CSMD1: variants seen among roughly 807,000 people sequenced by gnomAD.
CSMD1 encodes CUB and Sushi multiple domains 1, also known as CUB and sushi domain-containing protein 1.
In CSMD1, 213 loss-of-function variants were observed where a neutral mutation model predicts 417.5. That is an observed-to-expected ratio of 0.51 (90% CI 0.46 to 0.57). The LOEUF (loss-of-function observed/expected upper bound fraction) is 0.57. CSMD1 is among the 20% of genes least tolerant of loss of function. The pLI is 0.00. For synonymous variants in CSMD1, 2,862 were observed against 1,736.8 expected, an observed-to-expected ratio of 1.65 and a Z score of -16.11; for missense variants, 6,923 against 4,529.7, an observed-to-expected ratio of 1.53 and a Z score of -15.17.
intron 5 of CSMD1, among the ~76,000 whole-genome samples, chr8:3,864,833 C>G (rs959481329): frequency 2.0e-5 from 3 of 152,142 alleles, no homozygotes; most frequent in African/African-American, 4.8e-5. Context: ...AGAAACATTT[C>G]CTAGACATTT....
chr8:3,027,982 G>A (rs1810066076), intron 51 of CSMD1, among the ~76,000 whole-genome samples: 1 of 152,192 alleles, frequency 6.6e-6, no homozygotes, highest in African/African-American at 2.4e-5. Flanking sequence ...TTGTGAGCAT[G>A]GAAGATTGTC....
chr8:4,634,416 T>G (rs1330951191), intron 2 of CSMD1, among the ~76,000 whole-genome samples: 1 of 152,206 alleles, frequency 6.6e-6, no homozygotes, highest in Non-Finnish European at 1.5e-5. Flanking sequence ...TGAAAGAAAT[T>G]TATTGATACT....
chr8:4,903,244 C>A (rs536177672), intron 1 of CSMD1, among the ~76,000 whole-genome samples: 1 of 152,182 alleles, frequency 6.6e-6, no homozygotes, highest in African/African-American at 2.4e-5. Flanking sequence ...TACAGCCAGA[C>A]TTAGTGTGTC....
chr8:4,111,641 C>G (rs1801861960), intron 3 of CSMD1, among the ~76,000 whole-genome samples: 1 of 152,082 alleles, frequency 6.6e-6, no homozygotes, highest in South Asian at 2.1e-4. Flanking sequence ...GAGTTAGAAG[C>G]CATTATCTTC....
At chr8:4,146,593 CATTTTTTTTTTTTTTTTTTT>C (rs1197683223) in intron 3 of CSMD1, among the ~76,000 whole-genome samples, 4 of 90,742 alleles carry the variant, frequency 4.4e-5, no homozygotes, top group Non-Finnish European at 5.8e-5. Context: ...TATATGGACA[CATTTTTTTTTTTTTTTTTTT>C]TTTTTTTTTT....
At chr8:3,046,520 C>T (rs1482793553) in intron 50 of CSMD1, among the ~76,000 whole-genome samples, 7 of 152,130 alleles carry the variant, frequency 4.6e-5, no homozygotes, top group Non-Finnish European at 1.0e-4. Flanking sequence ...TGATCCTCGC[C>T]CCCACGGATC....
At chr8:4,804,531 G>T (rs568870904) in intron 1 of CSMD1, among the ~76,000 whole-genome samples, 1 of 149,566 alleles carries the variant, frequency 6.7e-6, no homozygotes, top group Admixed American at 6.7e-5. Context: ...ATGGACGTGA[G>T]AGAGAGAGAG....
At chr8:4,346,890 TA>T (rs1800805860) in intron 3 of CSMD1, among the ~76,000 whole-genome samples, 1 of 149,344 alleles carries the variant, frequency 6.7e-6, no homozygotes, top group African/African-American at 2.6e-5. Context: ...GGCTGGATTG[TA>T]AAACCTGGCT....
intron 27 of CSMD1, among the ~76,000 whole-genome samples, chr8:3,228,901 G>A (rs13256014): frequency 0.26 from 38,983 of 151,788 alleles, 5,151 homozygotes; most frequent in South Asian, 0.4. Flanking sequence ...CAGTCTCCCG[G>A]TGACTCAGCT....
intron 2 of CSMD1, among the ~76,000 whole-genome samples, chr8:4,532,474 C>A (rs1055446684): frequency 7.0e-6 from 1 of 143,480 alleles, no homozygotes; most frequent in Non-Finnish European, 1.5e-5. Context: ...CACCCCCATT[C>A]ACAGTCACTC....
At chr8:4,935,419 C>T (rs1807547596) in intron 1 of CSMD1, among the ~76,000 whole-genome samples, 1 of 152,172 alleles carries the variant, frequency 6.6e-6, no homozygotes, top group South Asian at 2.1e-4. Context: ...GTTGAAGTTA[C>T]CGGTTCATTT....
At chr8:4,875,041 T>A (rs1056307217) in intron 1 of CSMD1, among the ~76,000 whole-genome samples, 2 of 151,910 alleles carry the variant, frequency 1.3e-5, no homozygotes, top group Non-Finnish European at 2.9e-5. Flanking sequence ...TCTCCCTCTC[T>A]GTCTTTCTTT....
At chr8:3,237,544 A>G (rs952312334) in intron 26 of CSMD1, among the ~76,000 whole-genome samples, 13 of 146,008 alleles carry the variant, frequency 8.9e-5, no homozygotes, top group Middle Eastern at 3.8e-3. Flanking sequence ...TATATATTAT[A>G]TAAATAACAC....
intron 5 of CSMD1, among the ~76,000 whole-genome samples, chr8:3,932,493 G>A (rs1810220009): frequency 6.6e-6 from 1 of 150,558 alleles, no homozygotes; most frequent in Non-Finnish European, 1.5e-5. Context: ...TTGATGCTAA[G>A]TCTAGGGAAA....
chr8:2,941,675 G>C (rs1368985532), intron 69 of CSMD1, among the ~76,000 whole-genome samples: 1 of 152,216 alleles, frequency 6.6e-6, no homozygotes, highest in Non-Finnish European at 1.5e-5. Context: ...ACAGTTAGCA[G>C]AGTTTTGCAA....
At chr8:4,493,958 T>A (rs1563230893) in intron 2 of CSMD1, among the ~76,000 whole-genome samples, 1 of 152,160 alleles carries the variant, frequency 6.6e-6, no homozygotes, top group East Asian at 1.9e-4. Flanking sequence ...AAGGTCAACT[T>A]GGTTCTACTG....
intron 42 of CSMD1, among the ~76,000 whole-genome samples, chr8:3,117,141 G>C (rs911593017): frequency 1.3e-5 from 2 of 152,102 alleles, no homozygotes; most frequent in African/African-American, 4.8e-5. Context: ...CACGATCTCA[G>C]GGCACTGCAA....
intron 1 of CSMD1, among the ~76,000 whole-genome samples, chr8:4,662,201 G>A (rs1157551366): frequency 6.6e-6 from 1 of 152,090 alleles, no homozygotes; most frequent in East Asian, 1.9e-4. Flanking sequence ...CTAATAACCT[G>A]ACATGTTTGC....
At chr8:4,903,929 G>T (rs934196449) in intron 1 of CSMD1, among the ~76,000 whole-genome samples, 1 of 152,158 alleles carries the variant, frequency 6.6e-6, no homozygotes, top group Non-Finnish European at 1.5e-5. Flanking sequence ...ATTTCCTTGA[G>T]CCTATTACGG....
Sources: allele counts gnomAD v4.1 joint callset (sites outside exome capture counted in the v4.1 genomes callset), GRCh38; gene constraint gnomAD v4.1.1; transcripts MANE v1.5; gene names NCBI Gene and HGNC (gene_info 2026-07-23, HGNC 2026-07-21).